SLC38A12: variants seen among roughly 807,000 people sequenced by gnomAD.
SLC38A12 encodes putative sodium-coupled neutral amino acid transporter 12.
the SLC38A12 span, among the ~76,000 whole-genome samples, chr17:74,796,169 G>A: frequency 1.3e-4 from 20 of 152,192 alleles, no homozygotes; most frequent in Non-Finnish European, 2.2e-4. Context: ...GCTTTGTGCC[G>A]TTGGTGGGGG....
chr17:74,820,014 A>G, the SLC38A12 span, among the ~76,000 whole-genome samples: 2 of 152,222 alleles, frequency 1.3e-5, no homozygotes, highest in African/African-American at 4.8e-5. Context: ...GAGGGGGCTG[A>G]ATACTCAGCT....
At chr17:74,830,019 G>T in the SLC38A12 span, among the ~76,000 whole-genome samples, 101 of 152,266 alleles carry the variant, frequency 6.6e-4, no homozygotes, top group South Asian at 3.1e-3. Context: ...GGAAGGAAGG[G>T]GCTCGCTACT....
At chr17:74,826,183 G>A in the SLC38A12 span, among the ~76,000 whole-genome samples, 3 of 152,142 alleles carry the variant, frequency 2.0e-5, no homozygotes, top group South Asian at 2.1e-4. Flanking sequence ...CCTCCCAGGC[G>A]CCACCTGCCA....
chr17:74,787,641 AAAG>A, the SLC38A12 span, among the ~76,000 whole-genome samples: 1 of 151,868 alleles, frequency 6.6e-6, no homozygotes, highest in African/African-American at 2.4e-5. Flanking sequence ...AAAAAAAAAA[AAAG>A]AAAGCAGGAG....
At chr17:74,838,864 A>C in the SLC38A12 span, 1 of 1,532,628 alleles carries the variant, frequency 6.5e-7, no homozygotes, top group Non-Finnish European at 8.7e-7. Flanking sequence ...AGGCAAGCTC[A>C]GCTTGTGGTT....
chr17:74,806,570 A>G, the SLC38A12 span, among the ~76,000 whole-genome samples: 1 of 152,160 alleles, frequency 6.6e-6, no homozygotes, highest in Non-Finnish European at 1.5e-5. Context: ...AGAGGTTTTC[A>G]TGCTCTTCAG....
At chr17:74,777,390 T>C in the SLC38A12 span, 7 of 1,614,100 alleles carry the variant, frequency 4.3e-6, no homozygotes, top group East Asian at 1.1e-4. Flanking sequence ...GTGTGACTTA[T>C]AGAACCTTTT....
At chr17:74,835,222 T>C in the SLC38A12 span, among the ~76,000 whole-genome samples, 58 of 152,178 alleles carry the variant, frequency 3.8e-4, no homozygotes, top group Non-Finnish European at 6.5e-4. Context: ...ACATGCCACC[T>C]GCCTCCAGCC....
chr17:74,792,906 C>T, the SLC38A12 span, among the ~76,000 whole-genome samples: 1 of 152,226 alleles, frequency 6.6e-6, no homozygotes, highest in Non-Finnish European at 1.5e-5. Context: ...CAAGCATAAG[C>T]GTTTCCTCCT....
At chr17:74,803,267 G>T in the SLC38A12 span, among the ~76,000 whole-genome samples, 1 of 152,192 alleles carries the variant, frequency 6.6e-6, no homozygotes, top group South Asian at 2.1e-4. Context: ...AGGCAAAGGT[G>T]CAGAACCCCA....
chr17:74,797,847 G>A, the SLC38A12 span, among the ~76,000 whole-genome samples: 5 of 152,208 alleles, frequency 3.3e-5, no homozygotes, highest in African/African-American at 7.2e-5. Context: ...AGTCTGGCCT[G>A]CAGGTCTTAT....
At chr17:74,819,471 G>A in the SLC38A12 span, among the ~76,000 whole-genome samples, 2 of 152,246 alleles carry the variant, frequency 1.3e-5, no homozygotes, top group Non-Finnish European at 2.9e-5. Flanking sequence ...GACGCATGGG[G>A]TCCCTGGAAT....
the SLC38A12 span, among the ~76,000 whole-genome samples, chr17:74,818,385 C>CCTT: frequency 6.6e-6 from 1 of 152,260 alleles, no homozygotes; most frequent in African/African-American, 2.4e-5. Flanking sequence ...AGGTCGCCTT[C>CCTT]TCTAGCCCAG....
At chr17:74,791,633 G>A in the SLC38A12 span, among the ~76,000 whole-genome samples, 1 of 152,268 alleles carries the variant, frequency 6.6e-6, no homozygotes, top group Admixed American at 6.5e-5. Flanking sequence ...GCGCACGCCT[G>A]GGCGTGGCTT....
the SLC38A12 span, among the ~76,000 whole-genome samples, chr17:74,797,259 C>T: frequency 9.1e-3 from 1,380 of 152,336 alleles, 20 homozygotes; most frequent in African/African-American, 0.03. Flanking sequence ...AAGCCTCCCT[C>T]CCTGGATCTC....
At chr17:74,836,790 GT>G in the SLC38A12 span, 11 of 1,469,102 alleles carry the variant, frequency 7.5e-6, no homozygotes, top group Non-Finnish European at 9.0e-6. The surrounding 1 kb of genome is among the most constrained non-coding windows in gnomAD (Gnocchi z 4.2). Context: ...CATGGGGCAG[GT>G]GGGACTGTGG....
At chr17:74,829,715 G>A in the SLC38A12 span, among the ~76,000 whole-genome samples, 1 of 152,134 alleles carries the variant, frequency 6.6e-6, no homozygotes, top group Non-Finnish European at 1.5e-5. The surrounding 1 kb of genome is among the most constrained non-coding windows in gnomAD (Gnocchi z 4.1). Flanking sequence ...TGCCCCCAGA[G>A]CGGAGGTAGG....
the SLC38A12 span, among the ~76,000 whole-genome samples, chr17:74,834,395 C>T: frequency 6.6e-6 from 1 of 152,064 alleles, no homozygotes; most frequent in Non-Finnish European, 1.5e-5. Flanking sequence ...TCTTCTTTAC[C>T]GGCAATTTTC....
At chr17:74,817,181 G>C in the SLC38A12 span, among the ~76,000 whole-genome samples, 1 of 152,130 alleles carries the variant, frequency 6.6e-6, no homozygotes, top group South Asian at 2.1e-4. Context: ...GCCCCAGCTC[G>C]CAGTCTGTGT....
Sources: allele counts gnomAD v4.1 joint callset (sites outside exome capture counted in the v4.1 genomes callset), GRCh38; gene constraint gnomAD v4.1.1; non-coding constraint Gnocchi (gnomAD v3.1); transcripts MANE v1.5; gene names NCBI Gene and HGNC (gene_info 2026-07-23, HGNC 2026-07-21).